CACNA1C: variants seen among roughly 807,000 people sequenced by gnomAD.
CACNA1C encodes the protein voltage-dependent L-type calcium channel subunit alpha-1C.
In CACNA1C, 30 loss-of-function variants were observed where a neutral mutation model predicts 229.0. The observed-to-expected ratio is 0.13, with a 90% CI of 0.10 to 0.18. The LOEUF (loss-of-function observed/expected upper bound fraction) is 0.18. CACNA1C is among the 10% of genes least tolerant of loss of function. CACNA1C has a pLI of 1.00. For synonymous variants in CACNA1C, 1,114 were observed against 1,132.5 expected (o/e 0.98, Z 0.33); for missense variants, 1,658 against 2,845.0 (o/e 0.58, Z 9.49).
intron 3 of CACNA1C, among the ~76,000 whole-genome samples, chr12:2,146,163 G>A (rs752633908): frequency 1.3e-5 from 2 of 151,130 alleles, no homozygotes; most frequent in Non-Finnish European, 3.0e-5. Context: ...CGTTTAGATT[G>A]GGGCAAGGAA....
intron 3 of CACNA1C, among the ~76,000 whole-genome samples, chr12:2,333,204 C>G (rs910444552): frequency 1.3e-5 from 2 of 152,174 alleles, no homozygotes; most frequent in African/African-American, 4.8e-5. Flanking sequence ...ATTTAATCCC[C>G]CTAGTGGATA....
chr12:2,143,646 A>G lies in CACNA1C; in HGVS notation c.477+23216A>G, dbSNP rs2094465383. Among the ~76,000 whole-genome samples, 4 of 151,312 alleles carry G rather than the reference A, an allele frequency of 2.6e-5. No individual in the cohort carries two copies. In the Admixed American group the frequency reaches 2.7e-4, roughly 10 times the overall value. On this transcript the variant is annotated intron_variant, in intron 3 of 46. Coordinates refer to ENST00000399655, the MANE Select transcript of CACNA1C (RefSeq NM_000719.7). ...AGGCTGTGCCATCCAGGTTTGTGTA[A>G]GTGCACTTTCTGATGTTCACACAAC...
intron 3 of CACNA1C, among the ~76,000 whole-genome samples, chr12:2,143,360 T>TCACTCAC (rs997430646): frequency 6.6e-6 from 1 of 151,064 alleles, no homozygotes; most frequent in African/African-American, 2.4e-5. Context: ...GCCCTCAAAT[T>TCACTCAC]CACTCACCAC....
intron 9 of CACNA1C, among the ~76,000 whole-genome samples, chr12:2,525,318 C>T (rs373865903): frequency 2.1e-4 from 32 of 152,184 alleles, no homozygotes; most frequent in South Asian, 6.2e-4. Flanking sequence ...AGTGGACAGG[C>T]GGGGAAGGAT....
At chr12:2,066,337 G>A (rs1356771865) in intron 1 of CACNA1C, among the ~76,000 whole-genome samples, 2 of 152,168 alleles carry the variant, frequency 1.3e-5, no homozygotes, top group African/African-American at 4.8e-5. Flanking sequence ...AAGGAACGAT[G>A]GAGAGCTGAA....
At chr12:2,046,662 C>T (rs914166594) in intron 1 of CACNA1C, among the ~76,000 whole-genome samples, 1 of 152,136 alleles carries the variant, frequency 6.6e-6, no homozygotes. Context: ...GTCATGTTAC[C>T]ACACCTTGTT....
At chr12:2,314,140 C>T (rs11830734) in intron 3 of CACNA1C, among the ~76,000 whole-genome samples, 4,974 of 152,288 alleles carry the variant, frequency 0.033, 187 homozygotes, top group African/African-American at 0.086. Flanking sequence ...GTCACCTTCT[C>T]TCCTGGGCAC....
At chr12:2,036,005 A>G (rs139608261) in intron 1 of CACNA1C, among the ~76,000 whole-genome samples, 77 of 152,202 alleles carry the variant, frequency 5.1e-4, no homozygotes, top group Middle Eastern at 3.4e-3. Flanking sequence ...TGAATAAGTT[A>G]TCTCTTGTAA....
chr12:2,315,643 C>T (rs917282296), intron 3 of CACNA1C, among the ~76,000 whole-genome samples: 4 of 152,154 alleles, frequency 2.6e-5, no homozygotes, highest in Admixed American at 2.0e-4. Flanking sequence ...ATCCATCCAT[C>T]CTCCCTTGAA....
rs2093326621 is a variant in CACNA1C at position 2,639,199 on chromosome 12, T to C, written c.3912+4819T>C. ...GCATCACCTGGGTCTAAATCCGAGCTTTTCTTCCTCTGTGAGCCGGGGAGG... is the reference window on the plus strand; with the variant it reads ...GCATCACCTGGGTCTAAATCCGAGCCTTTCTTCCTCTGTGAGCCGGGGAGG... On this transcript the variant is annotated intron_variant, in intron 30 of 46. Coordinates refer to ENST00000399655, the MANE Select transcript of CACNA1C (RefSeq NM_000719.7). The surrounding 1 kb of genome is among the most constrained non-coding windows in gnomAD (Gnocchi z 4.2). Among the ~76,000 whole-genome samples the C allele has an allele frequency of 6.6e-6, 1 of 152,210 alleles. No homozygotes were observed. The highest frequency in any genetic ancestry group is 6.5e-5 in the Admixed American group (1 of 15,288).
rs1009377865 is a variant in CACNA1C at position 2,438,033 on chromosome 12, G to A, written c.478-10943G>A. 5.3e-5 allele frequency among the ~76,000 whole-genome samples: 8 copies of A among 150,384 alleles called. 1 individual carries two copies. Among genetic ancestry groups the A allele is most frequent in the Admixed American group, 1.3e-4 (2 of 15,160 alleles). ...TGGTAGCGGTATGATGGTAGTGGTGGTGAGGGTGGTGGTGGTAATGATGGT... is the reference window on the plus strand; with the variant it reads ...TGGTAGCGGTATGATGGTAGTGGTGATGAGGGTGGTGGTGGTAATGATGGT... On this transcript the variant is annotated intron_variant, in intron 3 of 46. Transcript: ENST00000399655.
chr12:2,025,263 G>A (rs2047118230), intron 1 of CACNA1C, among the ~76,000 whole-genome samples: 1 of 152,186 alleles, frequency 6.6e-6, no homozygotes, highest in Non-Finnish European at 1.5e-5. Context: ...CATGTTCCAT[G>A]GTTCTGCGTT....
At chr12:2,318,227 CCTT>C (rs2095796556) in intron 3 of CACNA1C, among the ~76,000 whole-genome samples, 1 of 152,230 alleles carries the variant, frequency 6.6e-6, no homozygotes, top group African/African-American at 2.4e-5. Flanking sequence ...TGGGCGCTCT[CCTT>C]CTGGGGCGGG....
At chr12:2,325,327 G>T (rs912937240) in intron 3 of CACNA1C, among the ~76,000 whole-genome samples, 6 of 152,192 alleles carry the variant, frequency 3.9e-5, no homozygotes, top group African/African-American at 1.4e-4. Flanking sequence ...GAGAATACCT[G>T]GTCGGGAAAT....
Position 2,493,831 on chromosome 12 carries a change from A to T in CACNA1C, c.1113+445A>T, listed in dbSNP as rs961941033. ...AGTCCTGATCTTCTAAAAAGAAGTTATATAAAGAAACCATTTTTATTGAAT... is the reference window on the plus strand; with the variant it reads ...AGTCCTGATCTTCTAAAAAGAAGTTTTATAAAGAAACCATTTTTATTGAAT... On this transcript the variant is annotated intron_variant, in intron 7 of 46. Coordinates refer to ENST00000399655, the MANE Select transcript of CACNA1C (RefSeq NM_000719.7). The surrounding 1 kb of genome is among the most constrained non-coding windows in gnomAD (Gnocchi z 4.6). 2.0e-5 allele frequency among the ~76,000 whole-genome samples: 3 copies of T among 152,236 alleles called. No individual in the cohort carries two copies. The highest frequency in any genetic ancestry group is 4.4e-5 in the Non-Finnish European group (3 of 68,044).
intron 13 of CACNA1C, among the ~76,000 whole-genome samples, chr12:2,572,562 TCTC>T (rs2056088677): frequency 6.5e-5 from 2 of 30,546 alleles, no homozygotes; most frequent in Non-Finnish European, 1.3e-4. Context: ...CTCCTTCTCC[TCTC>T]CTCCTCCTTC....
At chr12:2,038,417 T>G (rs1439910744) in intron 1 of CACNA1C, among the ~76,000 whole-genome samples, 1 of 152,208 alleles carries the variant, frequency 6.6e-6, no homozygotes, top group Non-Finnish European at 1.5e-5. Context: ...CCCCCAAGCT[T>G]TGGGTGACCC....
Position 2,450,554 on chromosome 12 carries a change from A to AG in CACNA1C, c.617+1439_617+1440insG, listed in dbSNP as rs1491270105. ...GGGCAACAGAGCGAGACTCCATCTC[A>AG]AAAAAAAAAAAAAAAAAAAAAAAAC... On this transcript the variant is annotated intron_variant, in intron 4 of 46. Transcript: ENST00000399655. Among the ~76,000 whole-genome samples, 3 of 29,448 alleles carry AG rather than the reference A, an allele frequency of 1.0e-4. No homozygotes were observed. The East Asian group carries it at 6.4e-3, about 62-fold the overall frequency. The allele number at this position is 29,448 out of a possible 152,430, so 19.3% of individuals were successfully genotyped here.
intron 3 of CACNA1C, among the ~76,000 whole-genome samples, chr12:2,225,698 C>T (rs2062764607): frequency 6.6e-6 from 1 of 152,100 alleles, no homozygotes; most frequent in Admixed American, 6.5e-5. Flanking sequence ...GGCTTAAGAC[C>T]CTGTTAAGGG....
Sources: allele counts gnomAD v4.1 joint callset (sites outside exome capture counted in the v4.1 genomes callset), GRCh38; gene constraint gnomAD v4.1.1; non-coding constraint Gnocchi (gnomAD v3.1); transcripts MANE v1.5; gene names NCBI Gene and HGNC (gene_info 2026-07-23, HGNC 2026-07-21).